PDE4D: variants seen among roughly 807,000 people sequenced by gnomAD.
PDE4D encodes the protein phosphodiesterase 4D.
Under a neutral mutation model 87.4 loss-of-function variants are expected in PDE4D, and 24 were observed. The observed-to-expected ratio is 0.27, with a 90% CI of 0.20 to 0.39. The LOEUF is 0.39. PDE4D is among the 10% of genes least tolerant of loss of function. The pLI is 1.00. For synonymous variants in PDE4D, 384 were observed against 383.2 expected (o/e 1.00, Z -0.02); for missense variants, 714 against 1,041.0 (o/e 0.69, Z 4.32).
intron 1 of PDE4D, among the ~76,000 whole-genome samples, chr5:59,627,138 T>C (rs1830988873): frequency 6.6e-6 from 1 of 152,204 alleles, no homozygotes; most frequent in South Asian, 2.1e-4. Flanking sequence ...TAGAGTCTAG[T>C]CCTTCCAGTA....
chr5:60,178,154 TC>T (rs1328659238), intron 2 of PDE4D, among the ~76,000 whole-genome samples: 1 of 152,182 alleles, frequency 6.6e-6, no homozygotes, highest in African/African-American at 2.4e-5. Flanking sequence ...AAAAATACTG[TC>T]CCAGTGCTAG....
At chr5:60,445,913 A>T (rs1034041177) in intron 1 of PDE4D, among the ~76,000 whole-genome samples, 2 of 152,208 alleles carry the variant, frequency 1.3e-5, no homozygotes, top group East Asian at 1.9e-4. Flanking sequence ...AAATATTTAC[A>T]TTATAAACAA....
At chr5:60,014,300 A>G (rs1313032839) in intron 2 of PDE4D, among the ~76,000 whole-genome samples, 1 of 152,162 alleles carries the variant, frequency 6.6e-6, no homozygotes, top group Non-Finnish European at 1.5e-5. Flanking sequence ...CATGGAGCAG[A>G]AGACATACTC....
chr5:60,252,398 A>AG (rs1748577267), intron 1 of PDE4D, among the ~76,000 whole-genome samples: 132 of 100,112 alleles, frequency 1.3e-3, no homozygotes, highest in African/African-American at 5.6e-3. Flanking sequence ...ACACTTTTTT[A>AG]CTTTTTTTTT....
intron 1 of PDE4D, among the ~76,000 whole-genome samples, chr5:59,763,819 CAA>C (rs1296417057): frequency 6.6e-6 from 1 of 152,144 alleles, no homozygotes; most frequent in African/African-American, 2.4e-5. Context: ...AGCAGAGACA[CAA>C]GAGAATTCTA....
chr5:59,785,516 T>A (rs1481466516), intron 1 of PDE4D, among the ~76,000 whole-genome samples: 1 of 152,202 alleles, frequency 6.6e-6, no homozygotes, highest in African/African-American at 2.4e-5. Flanking sequence ...TGACCCATTA[T>A]GTAACAGCCA....
chr5:59,592,859 T>G (rs296404), intron 1 of PDE4D, among the ~76,000 whole-genome samples: 1,726 of 152,258 alleles, frequency 0.011, 14 homozygotes, highest in East Asian at 0.036. Flanking sequence ...TTTCAGGTTC[T>G]GCCTTTTACT....
intron 5 of PDE4D, among the ~76,000 whole-genome samples, chr5:59,095,264 C>T (rs1413663816): frequency 2.6e-5 from 4 of 150,978 alleles, no homozygotes; most frequent in East Asian, 1.9e-4. Flanking sequence ...TATTAAATTA[C>T]AATGGAAAAT....
In PDE4D at chr5:60,025,735, C is replaced by G. The variant is rs191711452; in HGVS notation, c.43-37018G>C. ...AATTAGTTTATTTCCATGTAAGTAA[C>G]AAAGACATCATGATTTAAAAAAAAC... On this transcript the variant is annotated intron_variant, in intron 2 of 16. Coordinates refer to the PDE4D transcript ENST00000502484. 3.2e-4 allele frequency among the ~76,000 whole-genome samples: 48 copies of G among 151,892 alleles called. 1 individual carries two copies. The highest frequency in any genetic ancestry group is 1.1e-3 in the African/African-American group (46 of 41,438).
At chr5:60,520,218 T>C (rs1384315553) in intron 1 of PDE4D, among the ~76,000 whole-genome samples, 2 of 152,192 alleles carry the variant, frequency 1.3e-5, no homozygotes, top group African/African-American at 2.4e-5. Flanking sequence ...ACTGCCAGAC[T>C]ATGTTCCTTC....
chr5:59,922,311 T>G (rs910794916), intron 3 of PDE4D, among the ~76,000 whole-genome samples: 1 of 152,090 alleles, frequency 6.6e-6, no homozygotes, highest in Non-Finnish European at 1.5e-5. Context: ...GTACTGATGC[T>G]GGGATGGGTT....
chr5:59,359,945 C>T (rs1781950231), intron 1 of PDE4D, among the ~76,000 whole-genome samples: 1 of 152,208 alleles, frequency 6.6e-6, no homozygotes, highest in East Asian at 1.9e-4. Flanking sequence ...AGTCCTAACC[C>T]CACTAAAGTA....
chr5:59,264,805 T>G (rs892897564), intron 1 of PDE4D, among the ~76,000 whole-genome samples: 1 of 152,022 alleles, frequency 6.6e-6, no homozygotes, highest in Non-Finnish European at 1.5e-5. Context: ...CGTATTGCAT[T>G]CTTGACATTT....
intron 5 of PDE4D, among the ~76,000 whole-genome samples, chr5:59,136,995 T>C (rs1483706011): frequency 6.6e-6 from 1 of 152,174 alleles, no homozygotes; most frequent in Non-Finnish European, 1.5e-5. Flanking sequence ...AGGAAATCCC[T>C]CAGTGCCAGG....
chr5:60,035,013 T>C (rs1030558352), intron 2 of PDE4D, among the ~76,000 whole-genome samples: 18 of 152,244 alleles, frequency 1.2e-4, no homozygotes, highest in African/African-American at 3.4e-4. Context: ...CCCAGCACTT[T>C]GGGAGGCTGA....
At chr5:59,720,872 G>A (rs924214639) in intron 1 of PDE4D, among the ~76,000 whole-genome samples, 8 of 152,098 alleles carry the variant, frequency 5.3e-5, no homozygotes, top group Non-Finnish European at 1.2e-4. Flanking sequence ...AGTATGTTTA[G>A]ACTTCTCTAA....
At chr5:59,523,972 G>T (rs1306211110) in intron 1 of PDE4D, among the ~76,000 whole-genome samples, 1 of 152,188 alleles carries the variant, frequency 6.6e-6, no homozygotes, top group Non-Finnish European at 1.5e-5. Flanking sequence ...AGCCTCCCCA[G>T]TCATGTGGAA....
intron 1 of PDE4D, among the ~76,000 whole-genome samples, chr5:59,716,267 G>C (rs1221281262): frequency 1.3e-5 from 2 of 152,198 alleles, no homozygotes; most frequent in Admixed American, 1.3e-4. Flanking sequence ...TCTGTAAAAG[G>C]TACAACTACG....
At chr5:59,476,413 C>T (rs954787701) in intron 1 of PDE4D, among the ~76,000 whole-genome samples, 11 of 152,062 alleles carry the variant, frequency 7.2e-5, no homozygotes, top group African/African-American at 1.2e-4. Context: ...ATTTCAGTAA[C>T]ATATTTATCT....
Sources: gnomAD v4.1 joint callset for allele counts (sites outside exome capture counted in the v4.1 genomes callset) on GRCh38, gnomAD v4.1.1 for gene constraint, MANE v1.5 for transcripts, NCBI Gene and HGNC (gene_info 2026-07-23, HGNC 2026-07-21) for gene names.